ST3GAL1: variants seen among roughly 807,000 people sequenced by gnomAD.
The protein encoded by ST3GAL1 is ST3 beta-galactoside alpha-2,3-sialyltransferase 1.
ST3GAL1 carries 16 observed loss-of-function variants against 34.1 expected under a neutral mutation model. The ratio of observed to expected loss-of-function variants is 0.47; its 90% CI spans 0.32 to 0.71. The LOEUF is 0.71. Ranked by LOEUF, ST3GAL1 falls within the 30% of genes least tolerant of loss-of-function variation. The probability of loss-of-function intolerance (pLI) is 0.04; values close to 1 mark genes in which losing one functional copy is unlikely to be tolerated. For synonymous variants in ST3GAL1, 191 were observed against 184.7 expected (o/e 1.03, Z -0.28); for missense variants, 353 against 447.4 (o/e 0.79, Z 1.90).
At chr8:133,474,060 T>C (rs977406276) in intron 5 of ST3GAL1, among the ~76,000 whole-genome samples, 2 of 152,372 alleles carry the variant, frequency 1.3e-5, no homozygotes, top group African/African-American at 4.8e-5. Flanking sequence ...GCCAGGTCTT[T>C]GGAAGCATAG....
Position 133,463,396 on chromosome 8 carries a change from G to A in ST3GAL1, c.729+18C>T. The stretch of plus-strand genomic sequence containing the variant: ...GGAAGCCTGAACTTAGAACAGAGGG[G>A]CCGGGGCCTCCACTCACCTTATCCT... On this transcript the variant is annotated intron_variant, in intron 8 of 9. Transcript: ENST00000522652. The A allele has an allele frequency of 6.2e-7, 1 of 1,613,714 alleles. No homozygotes were observed. The highest frequency in any genetic ancestry group is 8.5e-7 in the Non-Finnish European group (1 of 1,179,840).
chr8:133,565,173 G>GTA (rs1297728973), intron 1 of ST3GAL1, among the ~76,000 whole-genome samples: 1 of 151,744 alleles, frequency 6.6e-6, no homozygotes, highest in Non-Finnish European at 1.5e-5. Context: ...GTGTGTGTGT[G>GTA]TGTGTGTGTG....
At chr8:133,510,134 C>T (rs564045357) in intron 2 of ST3GAL1, among the ~76,000 whole-genome samples, 5 of 152,118 alleles carry the variant, frequency 3.3e-5, no homozygotes, top group East Asian at 1.9e-4. Flanking sequence ...CCTGGTTTCC[C>T]GCTGTCCCTA....
rs996335869 is a variant in ST3GAL1 at position 133,467,122 on chromosome 8, G to A, written c.307-1032C>T. On this transcript the variant is annotated intron_variant, in intron 5 of 9. Transcript: ENST00000522652. This position sits in a 1 kb window ranked among gnomAD's most constrained non-coding sequence, Gnocchi z 4.2. ...AAAAAAAAAAAAAAAGACCTAGCTC[G>A]AGGGTCAGCTGCTCGCAGATTGAAT... is the stretch of plus-strand genomic sequence containing the variant. Among the ~76,000 whole-genome samples the A allele has an allele frequency of 1.9e-4, 29 of 151,548 alleles. No homozygotes were observed. The East Asian group carries it at 3.5e-3, about 18-fold the overall frequency.
chr8:133,455,945 T>C lies in ST3GAL1; in HGVS notation c.*3819A>G, dbSNP rs1270697212. On this transcript the variant is annotated 3_prime_UTR_variant, in exon 10 of 10. Coordinates refer to ENST00000522652, the MANE Select transcript of ST3GAL1 (RefSeq NM_173344.3). ...ACCACCTTCTGGCCACAGCAGAGAA[T>C]GGGATTCCATCAAAGCCTCTCAACC... The C allele has an allele frequency of 6.6e-6, 1 of 152,148 alleles. No individual in the cohort carries two copies. The highest frequency in any genetic ancestry group is 1.5e-5 in the Non-Finnish European group (1 of 68,032). 9.4% of individuals were successfully genotyped at this position (152,148 alleles called of 1,614,324 possible).
chr8:133,556,143 A>G lies in ST3GAL1; in HGVS notation c.-581-10217T>C, dbSNP rs1345540577. ...ACTCCTGAGCTCAGGCAATCCACCCATCTCGGCCTCCCAAAGTGCTAGGAT... is the reference window on the plus strand; with the variant it reads ...ACTCCTGAGCTCAGGCAATCCACCCGTCTCGGCCTCCCAAAGTGCTAGGAT... On this transcript the variant is annotated intron_variant, in intron 1 of 9. Transcript: ENST00000522652. This position sits in a 1 kb window ranked among gnomAD's most constrained non-coding sequence, Gnocchi z 8.9. Among the ~76,000 whole-genome samples, 3 of 151,966 alleles carry G rather than the reference A, an allele frequency of 2.0e-5. No individual in the cohort carries two copies. The highest frequency in any genetic ancestry group is 7.3e-5 in the African/African-American group (3 of 41,356).
In ST3GAL1 at chr8:133,564,874, C is replaced by A. The variant is rs183973461; in HGVS notation, c.-582+6819G>T. 3.5e-3 allele frequency among the ~76,000 whole-genome samples: 532 copies of A among 152,274 alleles called. 3 individuals are homozygous for A. The highest frequency in any genetic ancestry group is 0.012 in the African/African-American group (504 of 41,538). ...TAAGTAATAAACCTCCAATTGAAAC[C>A]CAGGCAAACCTTAACACTTAAACTA... On this transcript the variant is annotated intron_variant, in intron 1 of 9. Coordinates refer to ENST00000522652, the MANE Select transcript of ST3GAL1 (RefSeq NM_173344.3).
At chr8:133,490,132 G>A (rs534150792) in intron 3 of ST3GAL1, among the ~76,000 whole-genome samples, 23 of 152,168 alleles carry the variant, frequency 1.5e-4, no homozygotes, top group Admixed American at 2.6e-4. Flanking sequence ...GAGAGACTAC[G>A]CAGTATTTTA....
At chr8:133,546,515 C>T (rs1818677360) in intron 1 of ST3GAL1, among the ~76,000 whole-genome samples, 1 of 149,512 alleles carries the variant, frequency 6.7e-6, no homozygotes, top group Non-Finnish European at 1.5e-5. Flanking sequence ...TGACCAACTC[C>T]ATCTAGAAGA....
intron 8 of ST3GAL1, among the ~76,000 whole-genome samples, chr8:133,462,829 G>A (rs998794292): frequency 6.6e-6 from 1 of 152,224 alleles, no homozygotes; most frequent in Non-Finnish European, 1.5e-5. Context: ...AGATGCTGGA[G>A]GCACGGGGAG....
At chr8:133,476,246 G>A (rs1368546711) in intron 4 of ST3GAL1, 32 bp downstream of exon 4, 9 of 476,344 alleles carry the variant, frequency 1.9e-5, no homozygotes, top group South Asian at 1.3e-4. Flanking sequence ...AACGCCATTC[G>A]TGGCATGTTG....
chr8:133,514,284 C>A (rs1817582120), intron 2 of ST3GAL1, among the ~76,000 whole-genome samples: 1 of 151,792 alleles, frequency 6.6e-6, no homozygotes, highest in African/African-American at 2.4e-5. Context: ...CATTTCCCAC[C>A]CAGTACAGCA....
chr8:133,518,189 G>C (rs966302727), intron 2 of ST3GAL1, among the ~76,000 whole-genome samples: 6 of 152,240 alleles, frequency 3.9e-5, no homozygotes, highest in African/African-American at 1.4e-4. Context: ...CCCTGGGGCA[G>C]TCAGTGGAGG....
rs201203080 is a variant in ST3GAL1 at position 133,464,940 on chromosome 8, G to A, written c.521C>T (p.Thr174Met). The change falls in exon 7 of 10, where the codon ACG (threonine) becomes ATG (methionine). Residue 174 changes from threonine to methionine, a missense_variant. Physicochemically the swap from Thr to Met is moderately conservative, Grantham distance 81. Transcript: ENST00000522652. ...DFVLRMNKAP[T>M]AGFEADVGTK... ...CCCAACATCAGCTTCAAACCCTGCC[G>A]TGGGCGCCTTGTTCATCCTGGGAGA... 3.3e-5 allele frequency: 53 copies of A among 1,613,278 alleles called. No homozygotes were observed. The highest frequency in any genetic ancestry group is 4.5e-5 in the East Asian group (2 of 44,828).
chr8:133,558,788 G>C (rs1180054203), intron 1 of ST3GAL1, among the ~76,000 whole-genome samples: 1 of 152,186 alleles, frequency 6.6e-6, no homozygotes, highest in African/African-American at 2.4e-5. Flanking sequence ...ATAAATGTCA[G>C]TTTAATGTAT....
chr8:133,481,146 G>A (rs1816366180), intron 3 of ST3GAL1, among the ~76,000 whole-genome samples: 2 of 152,200 alleles, frequency 1.3e-5, no homozygotes, highest in Admixed American at 6.5e-5. Context: ...GGCAGGCCTG[G>A]TTGCTGTTTG....
At chr8:133,532,217 A>G (rs932847193) in intron 2 of ST3GAL1, among the ~76,000 whole-genome samples, 2 of 152,180 alleles carry the variant, frequency 1.3e-5, no homozygotes, top group African/African-American at 4.8e-5. Context: ...TACACCTGTA[A>G]TCCCAGAATT....
intron 2 of ST3GAL1, among the ~76,000 whole-genome samples, chr8:133,540,762 GACATATATATAT>G (rs1563733892): frequency 1.6e-4 from 12 of 76,782 alleles, no homozygotes; most frequent in East Asian, 7.9e-4. Flanking sequence ...TATATATATA[GACATATATATAT>G]AGAGACATAT....
chr8:133,518,070 T>C (rs1817695637), intron 2 of ST3GAL1, among the ~76,000 whole-genome samples: 1 of 152,232 alleles, frequency 6.6e-6, no homozygotes, highest in South Asian at 2.1e-4. Context: ...ACGTGGCCCC[T>C]GGGGATATAT....
Sources: gnomAD v4.1 joint callset for allele counts (sites outside exome capture counted in the v4.1 genomes callset) on GRCh38, gnomAD v4.1.1 for gene constraint, Gnocchi (gnomAD v3.1) non-coding constraint, MANE v1.5 for transcripts, NCBI Gene and HGNC (gene_info 2026-07-23, HGNC 2026-07-21) for gene names.